CDH13: variants seen among roughly 807,000 people sequenced by gnomAD.
CDH13 encodes cadherin 13.
Under a neutral mutation model 63.8 loss-of-function variants are expected in CDH13, and 24 were observed. The ratio of observed to expected loss-of-function variants is 0.38; its 90% CI spans 0.27 to 0.53. CDH13 has a LOEUF of 0.53. Among genes scored for constraint, CDH13 ranks in the 20% least tolerant of loss-of-function variants. CDH13 has a pLI of 0.85. For missense variants in CDH13, 1,049 were observed against 903.1 expected (o/e 1.16, Z -2.07); for synonymous variants, 503 against 355.3 (o/e 1.42, Z -4.67).
intron 5 of CDH13, among the ~76,000 whole-genome samples, chr16:83,241,184 C>A (rs1313618697): frequency 1.3e-5 from 2 of 152,184 alleles, no homozygotes. Context: ...AAGAATGCAT[C>A]ATAGTTCATT....
intron 5 of CDH13, among the ~76,000 whole-genome samples, chr16:83,305,204 CA>C (rs2089846412): frequency 6.6e-6 from 1 of 152,146 alleles, no homozygotes; most frequent in Admixed American, 6.5e-5. Context: ...CATTTGTAGG[CA>C]TCCTCATTTC....
intron 7 of CDH13, among the ~76,000 whole-genome samples, chr16:83,492,586 T>C (rs879378724): frequency 5.9e-5 from 9 of 152,218 alleles, no homozygotes; most frequent in Non-Finnish European, 7.4e-5. Context: ...TGCATTATCC[T>C]TTCAAATGAA....
At chr16:83,554,079 G>A (rs886300943) in intron 7 of CDH13, among the ~76,000 whole-genome samples, 2 of 152,176 alleles carry the variant, frequency 1.3e-5, no homozygotes, top group African/African-American at 2.4e-5. Context: ...GATCATTTTA[G>A]GAGGTTATAG....
At chr16:82,802,778 G>A (rs1210087284) in intron 1 of CDH13, among the ~76,000 whole-genome samples, 1 of 152,126 alleles carries the variant, frequency 6.6e-6, no homozygotes, top group Non-Finnish European at 1.5e-5. Flanking sequence ...GTACATTTCT[G>A]CCTCCCTCTT....
chr16:83,494,002 C>T lies in CDH13; in HGVS notation c.960+7347C>T, dbSNP rs561318500. On this transcript the variant is annotated intron_variant, in intron 7 of 13. Coordinates refer to ENST00000567109, the MANE Select transcript of CDH13 (RefSeq NM_001257.5). ...ACCTCAGTCCGTAGGTATTTTCTTT[C>T]TTCTGTTCTTGGGCTTCTTAAAGTA... Among the ~76,000 whole-genome samples, 3 of 152,300 alleles carry T rather than the reference C, an allele frequency of 2.0e-5. No individual in the cohort carries two copies. The South Asian group carries it at 6.2e-4, about 32-fold the overall frequency.
At chr16:82,663,532 C>A (rs1912225787) in intron 1 of CDH13, among the ~76,000 whole-genome samples, 1 of 152,160 alleles carries the variant, frequency 6.6e-6, no homozygotes, top group Non-Finnish European at 1.5e-5. Flanking sequence ...TAGTGACTCC[C>A]CTAGAAATTC....
At chr16:82,806,698 T>A (rs8056951) in intron 1 of CDH13, among the ~76,000 whole-genome samples, 150,155 of 152,240 alleles carry the variant, frequency 0.99, 74,087 homozygotes, top group East Asian at 1. Context: ...ATTTCCAAGC[T>A]CTGCAGGGCA....
intron 6 of CDH13, among the ~76,000 whole-genome samples, chr16:83,471,766 C>A (rs1424501503): frequency 6.6e-6 from 1 of 152,120 alleles, no homozygotes; most frequent in Admixed American, 6.6e-5. Context: ...TGCCTAAATA[C>A]CCAGCTTCTT....
At chr16:83,197,657 A>G (rs949184401) in intron 4 of CDH13, among the ~76,000 whole-genome samples, 1 of 152,200 alleles carries the variant, frequency 6.6e-6, no homozygotes, top group African/African-American at 2.4e-5. Flanking sequence ...TGGTTGTGAA[A>G]TGACAACACG....
chr16:83,012,872 T>C (rs1405662129), intron 2 of CDH13, among the ~76,000 whole-genome samples: 1 of 152,166 alleles, frequency 6.6e-6, no homozygotes, highest in Non-Finnish European at 1.5e-5. Context: ...ATGGAAAATA[T>C]CTCCCAGCAG....
chr16:82,876,008 G>A (rs1021305758), intron 2 of CDH13, among the ~76,000 whole-genome samples: 2 of 152,178 alleles, frequency 1.3e-5, no homozygotes, highest in African/African-American at 4.8e-5. Context: ...GTGGCAAAAA[G>A]AGAATTTGTG....
chr16:83,551,448 A>G (rs1395130347), intron 7 of CDH13, among the ~76,000 whole-genome samples: 1 of 152,118 alleles, frequency 6.6e-6, no homozygotes, highest in African/African-American at 2.4e-5. Flanking sequence ...TTGGCCATAG[A>G]TATCTCTTAG....
chr16:82,842,429 T>C (rs1296692677), intron 1 of CDH13, among the ~76,000 whole-genome samples: 2 of 151,848 alleles, frequency 1.3e-5, no homozygotes, highest in Non-Finnish European at 2.9e-5. Flanking sequence ...CTTCACACTG[T>C]ACCACTCTTT....
intron 4 of CDH13, among the ~76,000 whole-genome samples, chr16:83,184,819 C>T (rs1261809054): frequency 2.6e-5 from 4 of 152,098 alleles, no homozygotes; most frequent in Non-Finnish European, 4.4e-5. Flanking sequence ...CTGATGCTTT[C>T]GTAGCAGTCC....
At chr16:83,082,197 C>T (rs899790950) in intron 3 of CDH13, among the ~76,000 whole-genome samples, 3 of 152,176 alleles carry the variant, frequency 2.0e-5, no homozygotes, top group African/African-American at 7.2e-5. Flanking sequence ...AAGTTCAGCT[C>T]GTAACATTCC....
intron 3 of CDH13, among the ~76,000 whole-genome samples, chr16:83,078,314 G>T (rs1005943003): frequency 2.0e-5 from 3 of 152,164 alleles, no homozygotes. Context: ...CTGGTTTCAT[G>T]GAAGGCAATT....
intron 6 of CDH13, among the ~76,000 whole-genome samples, chr16:83,417,065 T>C (rs2071571597): frequency 6.6e-6 from 1 of 152,222 alleles, no homozygotes; most frequent in Admixed American, 6.5e-5. Context: ...TCACTTATCA[T>C]GGGAATGATC....
chr16:82,876,167 A>G (rs2040495523), intron 2 of CDH13, among the ~76,000 whole-genome samples: 1 of 152,182 alleles, frequency 6.6e-6, no homozygotes, highest in East Asian at 1.9e-4. Flanking sequence ...ACAATTCAAG[A>G]TGAGATTTGG....
chr16:82,650,522 G>T (rs1371464798), intron 1 of CDH13, among the ~76,000 whole-genome samples: 1 of 152,192 alleles, frequency 6.6e-6, no homozygotes, highest in Non-Finnish European at 1.5e-5. Context: ...CAACCACTTA[G>T]GCTTTCTGAG....
Sources: gnomAD v4.1 joint callset for allele counts (sites outside exome capture counted in the v4.1 genomes callset) on GRCh38, gnomAD v4.1.1 for gene constraint, MANE v1.5 for transcripts, NCBI Gene and HGNC (gene_info 2026-07-23, HGNC 2026-07-21) for gene names.